ARHGAP32: variants seen among roughly 807,000 people sequenced by gnomAD.
The protein encoded by ARHGAP32 is Rho GTPase activating protein 32, also known as rho GTPase-activating protein 32.
Under a neutral mutation model 186.5 loss-of-function variants are expected in ARHGAP32, and 51 were observed. The ratio of observed to expected loss-of-function variants is 0.27; its 90% CI spans 0.22 to 0.35. ARHGAP32 has a LOEUF of 0.35. Ranked by LOEUF, ARHGAP32 falls within the 10% of genes least tolerant of loss-of-function variation. The pLI, the probability that ARHGAP32 is intolerant of heterozygous loss-of-function variation, is 1.00. For synonymous variants in ARHGAP32, 950 were observed against 964.3 expected, an observed-to-expected ratio of 0.99 and a Z score of 0.27; for missense variants, 2,186 against 2,623.5, an observed-to-expected ratio of 0.83 and a Z score of 3.64.
At chr11:129,247,489 C>T (rs1048173126) in intron 1 of ARHGAP32, among the ~76,000 whole-genome samples, 1 of 152,128 alleles carries the variant, frequency 6.6e-6, no homozygotes, top group African/African-American at 2.4e-5. Context: ...GACAATACTT[C>T]CTCCAAAATA....
At chr11:129,174,278 C>T (rs1943848220) in intron 1 of ARHGAP32, among the ~76,000 whole-genome samples, 1 of 152,204 alleles carries the variant, frequency 6.6e-6, no homozygotes, top group Non-Finnish European at 1.5e-5. Context: ...CCGCACATGG[C>T]TCGGAGGGTC....
chr11:129,141,634 A>G (rs1214471914), intron 2 of ARHGAP32, among the ~76,000 whole-genome samples: 2 of 151,726 alleles, frequency 1.3e-5, no homozygotes, highest in Non-Finnish European at 2.9e-5. Context: ...AAAAAAAAAA[A>G]AGAAAGAAAA....
Position 128,974,241 on chromosome 11 carries a change from A to T in ARHGAP32, c.2956T>A (p.Ser986Thr), listed in dbSNP as rs1180933877. ...ACCTGGTCCAGGGGCTGGACTTCAG[A>T]TTCATATGCTTCTTGGGCAACTGTC... ...NETVAQEAYE[S>T]EVQPLDQVAA... Residue 986 changes from serine (S) to threonine (T), a missense_variant, in exon 21 of 23, where the codon TCT (serine) becomes ACT (threonine). Physicochemically the swap from Ser to Thr is moderately conservative, Grantham distance 58. Coordinates refer to ENST00000682385, the MANE Select transcript of ARHGAP32 (RefSeq NM_001378024.1). 1 of 1,613,962 alleles carries T rather than the reference A, an allele frequency of 6.2e-7. No individual in the cohort carries two copies. Among genetic ancestry groups the T allele is most frequent in the Admixed American group, 1.7e-5 (1 of 59,990 alleles).
chr11:129,221,458 C>A (rs768672734), intron 1 of ARHGAP32, among the ~76,000 whole-genome samples: 1 of 148,924 alleles, frequency 6.7e-6, no homozygotes, highest in African/African-American at 2.5e-5. Context: ...ACAATCGAAA[C>A]AAGCTTTGTA....
chr11:129,040,892 A>G (rs768290496), intron 11 of ARHGAP32, 36 bp downstream of exon 11: 2 of 1,472,298 alleles, frequency 1.4e-6, no homozygotes, highest in South Asian at 2.4e-5. Flanking sequence ...CAAGCAGTTG[A>G]TAAAATAACT....
In ARHGAP32 at chr11:128,968,932, G is replaced by C. The variant is rs757396938; in HGVS notation, c.6281C>G (p.Pro2094Arg). The C allele has an allele frequency of 3.9e-6, 6 of 1,542,544 alleles. No individual in the cohort carries two copies. The highest frequency in any genetic ancestry group is 3.7e-5 in the South Asian group (3 of 80,228). Residue 2094 changes from proline (P) to arginine (R), a missense_variant, in exon 23 of 23, where the codon CCT becomes CGT. By Grantham distance (103) the Pro-to-Arg change is moderately radical. Transcript: ENST00000682385. ...FLPAELSLQH[P>R]ETQIHAE ...TCATTCTGCATGGATCTGTGTTTCA[G>C]GATGCTGCAAGGACAACTCTGCGGG... is the stretch of plus-strand genomic sequence containing the variant.
At chr11:129,221,479 CTGTGTG>C (rs537808170) in intron 1 of ARHGAP32, among the ~76,000 whole-genome samples, 3,954 of 121,114 alleles carry the variant, frequency 0.033, 87 homozygotes, top group African/African-American at 0.071. Context: ...ATTGTCATTA[CTGTGTG>C]TGTGTGTGTG....
In ARHGAP32 at chr11:128,974,210, G is replaced by C; in HGVS notation, c.2987C>G (p.Ala996Gly). The change falls in exon 21 of 23, where the codon GCT (alanine) becomes GGT (glycine). Residue 996 changes from alanine to glycine, a missense_variant. Ala to Gly is a moderately conservative substitution (Grantham distance 60). Transcript: ENST00000682385. ...TTTCCCTGGCAATTCTACTTCTTCA[G>C]CAGCCACCTGGTCCAGGGGCTGGAC... ...SEVQPLDQVA[A>G]EEVELPGKED... 6.2e-7 allele frequency: 1 copy of C among 1,614,180 alleles called. No individual in the cohort carries two copies. Among genetic ancestry groups the C allele is most frequent in the African/African-American group, 1.3e-5 (1 of 75,050 alleles).
chr11:129,113,206 A>AG (rs1461531379), intron 5 of ARHGAP32, among the ~76,000 whole-genome samples: 2 of 152,156 alleles, frequency 1.3e-5, no homozygotes, highest in Non-Finnish European at 2.9e-5. Context: ...ACCATAAGAG[A>AG]TCACTTTTTA....
In ARHGAP32 at chr11:128,974,880, C is replaced by G; in HGVS notation, c.2317G>C (p.Glu773Gln). Residue 773 changes from glutamate (E) to glutamine (Q), a missense_variant, in exon 21 of 23, where the codon GAG becomes CAG. Glu to Gln is a conservative substitution (Grantham distance 29). This residue lies in a region of ARHGAP32 where 263 missense variants were observed against 323.5 expected (regional missense o/e 0.81). Transcript: ENST00000682385. ...AGCAGCCCTCCTTCCTCCTCACTCT[C>G]ATTGTCATGAGGCAGATTATCATAG... ...NSYDNLPHDN[E>Q]SEEEGGLLHI... 1 of 1,614,052 alleles carries G rather than the reference C, an allele frequency of 6.2e-7. No individual in the cohort carries two copies. Among genetic ancestry groups the G allele is most frequent in the East Asian group, 2.2e-5 (1 of 44,894 alleles).
intron 5 of ARHGAP32, among the ~76,000 whole-genome samples, chr11:129,100,607 C>A (rs1006383549): frequency 2.6e-5 from 4 of 152,138 alleles, no homozygotes; most frequent in African/African-American, 9.7e-5. Flanking sequence ...CTCCACCTGC[C>A]GACCACCACT....
chr11:129,230,493 C>G (rs921916781), intron 1 of ARHGAP32, among the ~76,000 whole-genome samples: 3 of 152,148 alleles, frequency 2.0e-5, no homozygotes, highest in Middle Eastern at 3.4e-3. Flanking sequence ...AACATATTTA[C>G]TGTTTTATTC....
chr11:128,977,644 T>C (rs995416942), intron 19 of ARHGAP32, among the ~76,000 whole-genome samples: 2 of 152,102 alleles, frequency 1.3e-5, no homozygotes, highest in Admixed American at 1.3e-4. Flanking sequence ...CTACAAGAGT[T>C]GACAATTCCT....
intron 17 of ARHGAP32, among the ~76,000 whole-genome samples, chr11:128,981,047 A>G (rs1945692575): frequency 6.6e-6 from 1 of 152,258 alleles, no homozygotes; most frequent in Non-Finnish European, 1.5e-5. Flanking sequence ...ATACACACAT[A>G]TAAAACTCTT....
chr11:128,983,112 A>G (rs1335577706), intron 15 of ARHGAP32, among the ~76,000 whole-genome samples: 2 of 152,130 alleles, frequency 1.3e-5, no homozygotes, highest in Non-Finnish European at 2.9e-5. Context: ...TTTAATTCTC[A>G]TAATAGCTCT....
intron 10 of ARHGAP32, among the ~76,000 whole-genome samples, chr11:129,043,704 GA>G (rs1469070240): frequency 9.2e-5 from 14 of 152,072 alleles, no homozygotes; most frequent in Non-Finnish European, 1.9e-4. Context: ...CAAATTTCTT[GA>G]AGGAGAATTG....
rs1940711757 is a variant in ARHGAP32 at position 129,066,884 on chromosome 11, A to G, written c.532-16T>C. The G allele has an allele frequency of 6.3e-7, 1 of 1,580,590 alleles. No homozygotes were observed. The highest frequency in any genetic ancestry group is 1.3e-5 in the African/African-American group (1 of 74,118). ...AACTTTTTCCCTATTGGTAGAAAAAAGAAACTCATATAATTCACCTCTATT... is the reference window on the plus strand; with the variant it reads ...AACTTTTTCCCTATTGGTAGAAAAAGGAAACTCATATAATTCACCTCTATT... On this transcript the variant is annotated splice_polypyrimidine_tract_variant and intron_variant, in intron 6 of 22. Transcript: ENST00000682385.
In ARHGAP32 at chr11:129,133,254, T is replaced by C. The variant is rs139753568; in HGVS notation, c.226-8360A>G. 8.6e-4 allele frequency among the ~76,000 whole-genome samples: 131 copies of C among 152,254 alleles called. 1 individual carries two copies. The highest frequency in any genetic ancestry group is 3.1e-3 in the African/African-American group (127 of 41,546). On this transcript the variant is annotated intron_variant, in intron 2 of 22. Transcript: ENST00000682385. ...ATTTTTTTAAAAGACTGACAAAATA[T>C]GAACAGACCTATAGATAGCTAACGG... is the stretch of plus-strand genomic sequence containing the variant.
intron 5 of ARHGAP32, among the ~76,000 whole-genome samples, chr11:129,118,717 C>G (rs1304910698): frequency 7.2e-5 from 11 of 151,822 alleles, no homozygotes; most frequent in Non-Finnish European, 1.2e-4. Context: ...CAGGTAATTC[C>G]CATTTACACA....
Sources: allele counts gnomAD v4.1 joint callset (sites outside exome capture counted in the v4.1 genomes callset), GRCh38; gene constraint gnomAD v4.1.1; regional missense constraint gnomAD v4.1.1; transcripts MANE v1.5; gene names NCBI Gene and HGNC (gene_info 2026-07-23, HGNC 2026-07-21).